Variants in CATSPERE observed in about 807,000 individuals in gnomAD.
The protein encoded by CATSPERE is catsper channel auxiliary subunit epsilon, also known as cation channel sperm-associated auxiliary subunit epsilon.
A neutral mutation model predicts 114.1 loss-of-function variants in CATSPERE; 93 were observed. The observed-to-expected ratio is 0.81, with a 90% CI of 0.69 to 0.97. CATSPERE has a LOEUF of 0.97. Among genes scored for constraint, CATSPERE ranks in the 50% least tolerant of loss-of-function variants. The pLI is 0.00. For synonymous variants in CATSPERE, 341 were observed against 384.1 expected, an observed-to-expected ratio of 0.89 and a Z score of 1.31; for missense variants, 1,058 against 1,131.6, an observed-to-expected ratio of 0.93 and a Z score of 0.93.
intron 8 of CATSPERE, among the ~76,000 whole-genome samples, chr1:244,542,778 T>TAGACCTCAC (rs1390498858): frequency 6.6e-6 from 1 of 152,198 alleles, no homozygotes; most frequent in Non-Finnish European, 1.5e-5. Flanking sequence ...GTCCACTTTG[T>TAGACCTCAC]AGACCTCACC....
intron 7 of CATSPERE, among the ~76,000 whole-genome samples, chr1:244,509,096 A>G (rs1675295079): frequency 6.6e-6 from 1 of 150,630 alleles, no homozygotes; most frequent in African/African-American, 2.4e-5. Flanking sequence ...GACTTCCAAT[A>G]TTATGTTGAA....
intron 7 of CATSPERE, chr1:244,515,238 C>T (rs1558407696): frequency 1.5e-6 from 1 of 650,410 alleles, no homozygotes. Context: ...ACTCCTCTCC[C>T]ACCTCAGGGA....
intron 17 of CATSPERE, among the ~76,000 whole-genome samples, chr1:244,602,994 GAAGGAATAGGAGAGGC>G (rs990683237): frequency 2.6e-5 from 4 of 152,120 alleles, no homozygotes; most frequent in African/African-American, 9.7e-5. Flanking sequence ...GTTTCTGTGG[GAAGGAATAGGAGAGGC>G]AGGGTAAGCA....
intron 4 of CATSPERE, 85 bp from the exon 5 acceptor site, chr1:244,479,632 T>C (rs901228555): frequency 8.5e-6 from 6 of 706,444 alleles, no homozygotes; most frequent in South Asian, 2.1e-5. Flanking sequence ...AGTAACTTAC[T>C]TCCTCTGTGA....
intron 8 of CATSPERE, among the ~76,000 whole-genome samples, chr1:244,527,530 T>A (rs1678843997): frequency 6.6e-6 from 1 of 152,128 alleles, no homozygotes; most frequent in African/African-American, 2.4e-5. Context: ...GTACAAACAA[T>A]TTGTGCAGTT....
At chr1:244,466,811 C>T (rs888844838) in intron 2 of CATSPERE, among the ~76,000 whole-genome samples, 1 of 152,180 alleles carries the variant, frequency 6.6e-6, no homozygotes, top group Non-Finnish European at 1.5e-5. Context: ...AAGTCTCTCC[C>T]AGTACCTAAT....
intron 15 of CATSPERE, among the ~76,000 whole-genome samples, chr1:244,593,015 T>A (rs1667934159): frequency 6.6e-6 from 1 of 152,250 alleles, no homozygotes; most frequent in South Asian, 2.1e-4. Flanking sequence ...AATACACATC[T>A]ATTGTTACTG....
At chr1:244,533,306 G>A (rs58552162) in intron 8 of CATSPERE, among the ~76,000 whole-genome samples, 8,697 of 151,828 alleles carry the variant, frequency 0.057, 854 homozygotes, top group African/African-American at 0.2. Flanking sequence ...TTTTTAATCC[G>A]TTCAGCCACT....
intron 8 of CATSPERE, among the ~76,000 whole-genome samples, chr1:244,537,120 A>G (rs1469924066): frequency 6.6e-5 from 10 of 152,260 alleles, no homozygotes; most frequent in Middle Eastern, 3.4e-3. Context: ...CGTGTAGGCA[A>G]TCTTAGGAGG....
chr1:244,502,273 TC>T (rs1674164081), intron 7 of CATSPERE, among the ~76,000 whole-genome samples: 1 of 152,204 alleles, frequency 6.6e-6, no homozygotes, highest in Admixed American at 6.5e-5. Flanking sequence ...TGTACATTTT[TC>T]CTGCTTTTAC....
chr1:244,466,090 T>G (rs2148084234), intron 2 of CATSPERE, among the ~76,000 whole-genome samples: 1 of 152,292 alleles, frequency 6.6e-6, no homozygotes, highest in Admixed American at 6.5e-5. Flanking sequence ...CAGAAAAAAG[T>G]TTTTGAGTTT....
chr1:244,617,399 A>G (rs571885445), intron 19 of CATSPERE, 130 bp from the exon 20 acceptor site: 2 of 610,470 alleles, frequency 3.3e-6, no homozygotes, highest in African/African-American at 3.8e-5. Context: ...TATAAAGAGC[A>G]CTGCAGGGGT....
chr1:244,465,849 T>C (rs1667518984), intron 2 of CATSPERE, among the ~76,000 whole-genome samples: 1 of 152,220 alleles, frequency 6.6e-6, no homozygotes, highest in East Asian at 1.9e-4. Flanking sequence ...AATCTTCCAA[T>C]TCATGAAGAA....
At chr1:244,477,862 C>T (rs760245310) in intron 3 of CATSPERE, 44 bp from the exon 4 acceptor site, 11 of 1,421,892 alleles carry the variant, frequency 7.7e-6, no homozygotes, top group Non-Finnish European at 9.9e-6. Flanking sequence ...TTATTAATAT[C>T]ATATGCACCT....
In CATSPERE at chr1:244,573,718, GC is replaced by G. The variant is rs1406112874; in HGVS notation, c.1950+948del. On this transcript the variant is annotated intron_variant, in intron 11 of 21. Transcript: ENST00000366534. This position sits in a 1 kb window ranked among gnomAD's most constrained non-coding sequence, Gnocchi z 4.0. The stretch of plus-strand genomic sequence containing the variant: ...CGGTGAGAGCAGAAGCCTAGGTTTG[GC>G]CACATATCCCTAACTCATAGGATGG... Among the ~76,000 whole-genome samples, 6 of 152,094 alleles carry G rather than the reference GC, an allele frequency of 3.9e-5. No individual in the cohort carries two copies. The highest frequency in any genetic ancestry group is 8.8e-5 in the Non-Finnish European group (6 of 68,024).
At chr1:244,551,053 A>G (rs186038749) in intron 8 of CATSPERE, among the ~76,000 whole-genome samples, 86 of 152,314 alleles carry the variant, frequency 5.6e-4, no homozygotes, top group African/African-American at 2.0e-3. Context: ...AAATAATAAA[A>G]ATGAATCTAT....
intron 8 of CATSPERE, among the ~76,000 whole-genome samples, chr1:244,537,453 G>C (rs1680548610): frequency 6.6e-6 from 1 of 152,098 alleles, no homozygotes; most frequent in Admixed American, 6.6e-5. Context: ...TGATGTCTTT[G>C]TCTGGTTTTG....
chr1:244,564,913 A>G (rs1663191371), intron 10 of CATSPERE, among the ~76,000 whole-genome samples: 1 of 152,160 alleles, frequency 6.6e-6, no homozygotes, highest in Non-Finnish European at 1.5e-5. Flanking sequence ...TTATTTTGAG[A>G]CACATTGCAT....
At chr1:244,546,480 G>A (rs775717846) in intron 8 of CATSPERE, among the ~76,000 whole-genome samples, 1 of 152,188 alleles carries the variant, frequency 6.6e-6, no homozygotes, top group Non-Finnish European at 1.5e-5. Flanking sequence ...AAAATAAAGT[G>A]CCAATGACTG....
Sources: allele counts gnomAD v4.1 joint callset (sites outside exome capture counted in the v4.1 genomes callset), GRCh38; gene constraint gnomAD v4.1.1; non-coding constraint Gnocchi (gnomAD v3.1); transcripts MANE v1.5; gene names NCBI Gene and HGNC (gene_info 2026-07-23, HGNC 2026-07-21).